Variants in UTRN observed in about 807,000 individuals in gnomAD.
The protein encoded by UTRN is dystrophin-related protein 1.
In UTRN, 283 loss-of-function variants were observed where a neutral mutation model predicts 463.9. The observed-to-expected ratio is 0.61, with a 90% confidence interval of 0.55 to 0.67. The LOEUF (loss-of-function observed/expected upper bound fraction) is 0.67, where lower values mean the gene tolerates loss of function less well. UTRN is among the 30% of genes least tolerant of loss of function. The probability of loss-of-function intolerance (pLI) is 0.00; values close to 1 mark genes in which losing one functional copy is unlikely to be tolerated. For missense variants in UTRN, 3,922 were observed against 4,084.3 expected (o/e 0.96, Z 1.08); for synonymous variants, 1,442 against 1,431.5 (o/e 1.01, Z -0.17).
Position 144,836,508 on chromosome 6 carries a change from T to C in UTRN, c.10032T>C (p.Ser3344=), listed in dbSNP as rs372880959. ...ILEDHNKQLE[S]QLHRLRQLLE... is the part of the protein sequence containing the mutation. The stretch of plus-strand genomic sequence containing the variant: ...AAGATCACAATAAACAGCTGGAGTC[T>C]CAGCTCCACCGCCTCCGACAGCTGC... The change falls in exon 71 of 75, where the codon TCT becomes TCC. Residue 3344 remains serine, a synonymous_variant. Coordinates refer to ENST00000367545, the MANE Select transcript of UTRN (RefSeq NM_007124.3). 3 of 1,613,752 alleles carry C rather than the reference T, an allele frequency of 1.9e-6. No homozygotes were observed. Among genetic ancestry groups the C allele is most frequent in the Non-Finnish European group, 1.7e-6 (2 of 1,179,970 alleles).
chr6:144,827,907 C>T (rs1780331728), intron 68 of UTRN, among the ~76,000 whole-genome samples: 2 of 152,082 alleles, frequency 1.3e-5, no homozygotes, highest in African/African-American at 2.4e-5. Flanking sequence ...TGTGATTCTC[C>T]AGCTAATGAG....
chr6:144,845,613 G>C (rs1781945133), intron 73 of UTRN, among the ~76,000 whole-genome samples: 1 of 152,158 alleles, frequency 6.6e-6, no homozygotes, highest in Non-Finnish European at 1.5e-5. Flanking sequence ...CTTCTGTCTA[G>C]GGTTTGGCTA....
chr6:144,395,656 C>A (rs952517014), intron 2 of UTRN, among the ~76,000 whole-genome samples: 7 of 152,106 alleles, frequency 4.6e-5, no homozygotes, highest in Admixed American at 1.3e-4. Context: ...CTGAAAATAA[C>A]TATTTTGAGA....
At chr6:144,470,159 C>G (rs1055756814) in intron 23 of UTRN, among the ~76,000 whole-genome samples, 1 of 152,242 alleles carries the variant, frequency 6.6e-6, no homozygotes, top group Non-Finnish European at 1.5e-5. Context: ...ACTTCCCCCC[C>G]TTCTATTCCA....
chr6:144,762,685 A>T (rs1792845300), intron 58 of UTRN, among the ~76,000 whole-genome samples: 1 of 152,134 alleles, frequency 6.6e-6, no homozygotes, highest in South Asian at 2.1e-4. Flanking sequence ...AGGTGGGGAA[A>T]CACACTCTTT....
chr6:144,847,765 T>C (rs1586816738), intron 74 of UTRN, among the ~76,000 whole-genome samples: 1 of 152,222 alleles, frequency 6.6e-6, no homozygotes, highest in African/African-American at 2.4e-5. Context: ...ACTGGCCTTC[T>C]ATCTTTGCAA....
chr6:144,698,854 T>C (rs1246121545), intron 52 of UTRN, among the ~76,000 whole-genome samples: 1 of 152,200 alleles, frequency 6.6e-6, no homozygotes, highest in Non-Finnish European at 1.5e-5. Context: ...TCTAAGAATC[T>C]GAAGGTGCAT....
intron 54 of UTRN, among the ~76,000 whole-genome samples, chr6:144,732,084 AC>A (rs1400148759): frequency 4.0e-5 from 6 of 150,488 alleles, no homozygotes; most frequent in Middle Eastern, 6.9e-3. Flanking sequence ...CTGGTCTTGA[AC>A]TCTTGGCGTC....
chr6:144,348,869 G>A (rs765973773), intron 2 of UTRN, among the ~76,000 whole-genome samples: 1 of 152,200 alleles, frequency 6.6e-6, no homozygotes, highest in African/African-American at 2.4e-5. Flanking sequence ...AGGAGGCAGA[G>A]GTTGTGGTGA....
intron 34 of UTRN, among the ~76,000 whole-genome samples, chr6:144,500,350 A>G (rs1794059494): frequency 6.6e-6 from 1 of 152,018 alleles, no homozygotes. Flanking sequence ...TTCAATTTGC[A>G]TTTCTCTAAT....
At chr6:144,619,338 G>A (rs1188496961) in intron 51 of UTRN, among the ~76,000 whole-genome samples, 3 of 152,160 alleles carry the variant, frequency 2.0e-5, no homozygotes, top group Non-Finnish European at 2.9e-5. Context: ...TGGCATTTAA[G>A]CAGTGCCTTC....
intron 51 of UTRN, among the ~76,000 whole-genome samples, chr6:144,580,101 T>C (rs1426745121): frequency 6.6e-6 from 1 of 152,200 alleles, no homozygotes; most frequent in Non-Finnish European, 1.5e-5. Context: ...TCCTTTTGTA[T>C]GAGTAAACAG....
intron 37 of UTRN, among the ~76,000 whole-genome samples, 155 bp from the exon 38 acceptor site, chr6:144,516,074 A>T (rs545420773): frequency 6.6e-6 from 1 of 152,358 alleles, no homozygotes; most frequent in Non-Finnish European, 1.5e-5. Context: ...TGGTAAAATC[A>T]TTGCCATATA....
intron 52 of UTRN, among the ~76,000 whole-genome samples, chr6:144,688,350 G>A (rs1188755956): frequency 1.3e-5 from 2 of 151,636 alleles, no homozygotes; most frequent in Non-Finnish European, 2.9e-5. Flanking sequence ...TCATCCTTTT[G>A]TATTCTTTAT....
chr6:144,691,971 C>G (rs1401291813), intron 52 of UTRN, among the ~76,000 whole-genome samples: 1 of 152,036 alleles, frequency 6.6e-6, no homozygotes, highest in African/African-American at 2.4e-5. Flanking sequence ...GTTTGTTGCA[C>G]AGATTATTTC....
chr6:144,639,867 G>A (rs75885702), intron 51 of UTRN, among the ~76,000 whole-genome samples: 1 of 152,126 alleles, frequency 6.6e-6, no homozygotes, highest in African/African-American at 2.4e-5. Flanking sequence ...CCAGGGAAGA[G>A]CGTCTGCAGA....
intron 70 of UTRN, 74 bp downstream of exon 70, chr6:144,836,012 C>T (rs1781072615): frequency 2.0e-6 from 3 of 1,521,660 alleles, no homozygotes; most frequent in Admixed American, 4.0e-5. Flanking sequence ...CCCATTTATT[C>T]TCTTTTTCAA....
At chr6:144,467,559 C>G (rs1790084223) in intron 23 of UTRN, among the ~76,000 whole-genome samples, 1 of 152,154 alleles carries the variant, frequency 6.6e-6, no homozygotes, top group East Asian at 1.9e-4. Flanking sequence ...CCTCTTCCTT[C>G]AACTGTTGAA....
At chr6:144,445,894 T>A (rs1261502794) in intron 14 of UTRN, among the ~76,000 whole-genome samples, 1 of 151,738 alleles carries the variant, frequency 6.6e-6, no homozygotes, top group East Asian at 1.9e-4. Flanking sequence ...AGGCCTGCAG[T>A]GGGCACCTGT....
Sources: gnomAD v4.1 joint callset for allele counts (sites outside exome capture counted in the v4.1 genomes callset) on GRCh38, gnomAD v4.1.1 for gene constraint, MANE v1.5 for transcripts, NCBI Gene and HGNC (gene_info 2026-07-23, HGNC 2026-07-21) for gene names.